The following FOXP2 variants were observed in gnomAD, a reference collection of about 807,000 sequenced individuals.
FOXP2 encodes the protein forkhead box P2, also known as forkhead box protein P2.
FOXP2 carries 12 observed loss-of-function variants against 115.8 expected under a neutral mutation model. That is an observed-to-expected ratio of 0.10 (90% CI 0.07 to 0.17). The LOEUF (loss-of-function observed/expected upper bound fraction) is 0.17. Ranked by LOEUF, FOXP2 falls within the 10% of genes least tolerant of loss-of-function variation. The pLI is 1.00. For missense variants in FOXP2, 629 were observed against 843.5 expected, an observed-to-expected ratio of 0.75 and a Z score of 3.15; for synonymous variants, 328 against 297.7, an observed-to-expected ratio of 1.10 and a Z score of -1.05.
upstream of FOXP2, chr7:114,086,401 C>G (rs1475443586): frequency 2.8e-6 from 1 of 352,212 alleles, no homozygotes. Context: ...CCGCGCCACC[C>G]GCAGCCCGCC....
chr7:114,482,516 GT>G (rs1167624344), intron 2 of FOXP2, among the ~76,000 whole-genome samples: 1 of 151,324 alleles, frequency 6.6e-6, no homozygotes, highest in Non-Finnish European at 1.5e-5. Flanking sequence ...TGACAACAAG[GT>G]ATGTCTTTAT....
chr7:114,141,416 G>A (rs560397022), intron 1 of FOXP2, among the ~76,000 whole-genome samples: 1 of 152,194 alleles, frequency 6.6e-6, no homozygotes, highest in Non-Finnish European at 1.5e-5. Context: ...TTCCCAAAAC[G>A]GACCTCAAAC....
At chr7:114,191,297 A>G (rs1562998853) in intron 1 of FOXP2, among the ~76,000 whole-genome samples, 1 of 152,180 alleles carries the variant, frequency 6.6e-6, no homozygotes, top group Admixed American at 6.6e-5. Context: ...TGTGTGATGT[A>G]TCTAGTTAGA....
intron 2 of FOXP2, chr7:114,297,456 G>GT: frequency 2.3e-6 from 1 of 439,878 alleles, no homozygotes; most frequent in South Asian, 2.5e-5. Context: ...GGCTGCCGTA[G>GT]TGGAAGCACT....
At chr7:114,176,179 T>TTCTTGTCTTGTCTTG (rs67055887) in intron 1 of FOXP2, among the ~76,000 whole-genome samples, 14 of 145,374 alleles carry the variant, frequency 9.6e-5, no homozygotes, top group African/African-American at 3.2e-4. Flanking sequence ...GATTTCTCTT[T>TTCTTGTCTTGTCTTG]TCTTGTCTTG....
At chr7:114,295,473 C>G (rs79370955) in intron 2 of FOXP2, among the ~76,000 whole-genome samples, 1,849 of 152,304 alleles carry the variant, frequency 0.012, 39 homozygotes, top group African/African-American at 0.042. Flanking sequence ...TTCACTGAAA[C>G]TACTGTTACA....
At chr7:114,439,905 G>A (rs1284389649) in intron 2 of FOXP2, among the ~76,000 whole-genome samples, 1 of 152,060 alleles carries the variant, frequency 6.6e-6, no homozygotes, top group African/African-American at 2.4e-5. Context: ...TTTGTAATAG[G>A]AGCTTTATAG....
At chr7:114,215,789 C>A (rs1050717024) in intron 1 of FOXP2, among the ~76,000 whole-genome samples, 11 of 151,994 alleles carry the variant, frequency 7.2e-5, no homozygotes, top group Admixed American at 5.2e-4. Context: ...GATTTCTACC[C>A]CCACTTTATC....
chr7:114,636,294 A>G (rs1387884325), intron 6 of FOXP2, among the ~76,000 whole-genome samples: 8 of 152,170 alleles, frequency 5.3e-5, no homozygotes, highest in Admixed American at 5.2e-4. Context: ...TATTCTGGCC[A>G]TGTATGTATA....
At chr7:114,584,090 TA>T (rs776749652) in intron 3 of FOXP2, among the ~76,000 whole-genome samples, 18 of 152,126 alleles carry the variant, frequency 1.2e-4, no homozygotes, top group Non-Finnish European at 2.2e-4. Flanking sequence ...TGAGCATAAC[TA>T]AAAAATAAAA....
chr7:114,304,974 T>G (rs1352875301), intron 2 of FOXP2, among the ~76,000 whole-genome samples: 2 of 152,156 alleles, frequency 1.3e-5, no homozygotes, highest in Non-Finnish European at 2.9e-5. Flanking sequence ...ATTTTGTCAT[T>G]AAATATTTTA....
chr7:114,456,050 A>C (rs534136273), intron 2 of FOXP2, among the ~76,000 whole-genome samples: 1 of 152,276 alleles, frequency 6.6e-6, no homozygotes, highest in East Asian at 1.9e-4. Flanking sequence ...TTTCCCTGAA[A>C]GCCCCTCCCC....
intron 2 of FOXP2, among the ~76,000 whole-genome samples, chr7:114,290,961 C>A (rs1200754834): frequency 6.6e-6 from 1 of 152,056 alleles, no homozygotes; most frequent in African/African-American, 2.4e-5. Context: ...TCATTTCAAT[C>A]GTTGACTGTA....
Position 114,251,602 on chromosome 7 carries a change from G to T in FOXP2, c.-101-36417G>T, listed in dbSNP as rs182432761. The stretch of plus-strand genomic sequence containing the variant: ...CTCATGATTTGGCTCTCTGTTATTG[G>T]TGTATAAGAATGCTTGTGATTTTTG... On this transcript the variant is annotated intron_variant, in intron 1 of 17. Coordinates refer to the FOXP2 transcript ENST00000634411. Among the ~76,000 whole-genome samples, 31 of 151,700 alleles carry T rather than the reference G, an allele frequency of 2.0e-4. No individual in the cohort carries two copies. In the East Asian group the frequency reaches 6.0e-3, roughly 29 times the overall value.
chr7:114,561,558 T>A (rs1800759911), intron 3 of FOXP2: 1 of 152,228 alleles, frequency 6.6e-6, no homozygotes, highest in Admixed American at 6.5e-5. Context: ...AAGGAAATAG[T>A]AATCTCTTAT....
intron 1 of FOXP2, among the ~76,000 whole-genome samples, chr7:114,205,774 C>G (rs1191931463): frequency 1.3e-5 from 2 of 152,110 alleles, no homozygotes; most frequent in Non-Finnish European, 2.9e-5. Flanking sequence ...TTCAAGTTCT[C>G]CCTTATTCAT....
intron 8 of FOXP2, among the ~76,000 whole-genome samples, chr7:114,649,269 G>A (rs1370096446): frequency 6.6e-6 from 1 of 152,032 alleles, no homozygotes; most frequent in Non-Finnish European, 1.5e-5. Flanking sequence ...TGAAGCAGCC[G>A]TAATTTATGA....
At chr7:114,445,063 A>G (rs1201473355) in intron 2 of FOXP2, among the ~76,000 whole-genome samples, 1 of 150,840 alleles carries the variant, frequency 6.6e-6, no homozygotes, top group East Asian at 1.9e-4. Context: ...TTTTTTTTCT[A>G]TTCAACTATT....
chr7:114,456,150 A>T (rs961847553), intron 2 of FOXP2, among the ~76,000 whole-genome samples: 2 of 152,154 alleles, frequency 1.3e-5, no homozygotes, highest in African/African-American at 4.8e-5. Flanking sequence ...ACTTTTACTG[A>T]AATTATCTCT....
Sources: gnomAD v4.1 joint callset for allele counts (sites outside exome capture counted in the v4.1 genomes callset) on GRCh38, gnomAD v4.1.1 for gene constraint, MANE v1.5 for transcripts, NCBI Gene and HGNC (gene_info 2026-07-23, HGNC 2026-07-21) for gene names.